The following UBAP1 variants were observed in gnomAD, a reference collection of about 807,000 sequenced individuals.
The protein encoded by UBAP1 is ubiquitin-associated protein 1.
Under a neutral mutation model 39.0 loss-of-function variants are expected in UBAP1, and 5 were observed. The observed-to-expected ratio is 0.13, with a 90% CI of 0.07 to 0.27. The LOEUF is 0.27. Ranked by LOEUF, UBAP1 falls within the 10% of genes least tolerant of loss-of-function variation. The probability of loss-of-function intolerance (pLI) is 1.00; values close to 1 mark genes in which losing one functional copy is unlikely to be tolerated. For synonymous variants in UBAP1, 211 were observed against 225.1 expected, an observed-to-expected ratio of 0.94 and a Z score of 0.56; for missense variants, 490 against 608.1, an observed-to-expected ratio of 0.81 and a Z score of 2.04.
At position 34,252,361 on chromosome 9, in the gene UBAP1, TAACA is replaced by T. The variant is rs1335039601; in HGVS notation, c.*830_*833del. ...CACTGCTTTAGGATGACACAATGAA[TAACA>T]CCTAGTCATAGAAATCAGTCTCTCT... On this transcript the variant is annotated 3_prime_UTR_variant, in exon 7 of 7. Transcript: ENST00000297661. 1 of 152,676 alleles carries T rather than the reference TAACA, an allele frequency of 6.5e-6. No individual in the cohort carries two copies. Among genetic ancestry groups the T allele is most frequent in the Non-Finnish European group, 1.5e-5 (1 of 68,054 alleles). 9.5% of individuals were successfully genotyped at this position (152,676 alleles called of 1,614,324 possible).
At chr9:34,188,313 A>G (rs1329377280) in intron 1 of UBAP1, among the ~76,000 whole-genome samples, 1 of 152,040 alleles carries the variant, frequency 6.6e-6, no homozygotes, top group Non-Finnish European at 1.5e-5. Flanking sequence ...AGTGTCCTTC[A>G]TGAAATACAG....
At chr9:34,229,978 A>G (rs1833323378) in intron 2 of UBAP1, among the ~76,000 whole-genome samples, 1 of 151,524 alleles carries the variant, frequency 6.6e-6, no homozygotes, top group Non-Finnish European at 1.5e-5. Flanking sequence ...CTGGCCTCAT[A>G]TCTTTAGCAC....
At chr9:34,242,803 G>A (rs1834026755) in intron 4 of UBAP1, among the ~76,000 whole-genome samples, 1 of 152,176 alleles carries the variant, frequency 6.6e-6, no homozygotes, top group Non-Finnish European at 1.5e-5. Flanking sequence ...GGGATTACAG[G>A]GGTGAGCCGC....
At chr9:34,219,171 C>A (rs539057173) in intron 1 of UBAP1, among the ~76,000 whole-genome samples, 1 of 152,028 alleles carries the variant, frequency 6.6e-6, no homozygotes, top group Admixed American at 6.6e-5. Flanking sequence ...TCACTGCAGC[C>A]TTGACTTCCT....
intron 1 of UBAP1, among the ~76,000 whole-genome samples, chr9:34,203,566 C>T (rs975307280): frequency 6.6e-6 from 1 of 151,978 alleles, no homozygotes; most frequent in Admixed American, 6.6e-5. Flanking sequence ...ATAAACAAAT[C>T]CTGAATAAAT....
At chr9:34,236,730 C>T (rs1361433200) in intron 3 of UBAP1, among the ~76,000 whole-genome samples, 1 of 151,776 alleles carries the variant, frequency 6.6e-6, no homozygotes, top group Admixed American at 6.6e-5. Flanking sequence ...CTTTAATTGG[C>T]CCTTCTGCTT....
intron 1 of UBAP1, among the ~76,000 whole-genome samples, chr9:34,202,624 CGTGTGTGTGTGTGTGTGTGTGT>C (rs56012034): frequency 8.4e-5 from 9 of 107,362 alleles, no homozygotes; most frequent in Admixed American, 2.9e-4. Context: ...TAGACAGAAA[CGTGTGTGTGTGTGTGTGTGTGT>C]GTGTGTGTGT....
In UBAP1 at chr9:34,220,821, T is replaced by A. The variant is rs1225670507; in HGVS notation, c.-7-87T>A. 5 of 1,146,882 alleles carry A rather than the reference T, an allele frequency of 4.4e-6. No homozygotes were observed. In the Admixed American group the frequency reaches 9.8e-5, roughly 22 times the overall value. 71.0% of individuals were successfully genotyped at this position (1,146,882 alleles called of 1,614,324 possible). ...ATTCTGTCAGCCCTAAAACCTTAGGTCTTCTGGTTTCTTTTTTGTACTCTC... is the reference window on the plus strand; with the variant it reads ...ATTCTGTCAGCCCTAAAACCTTAGGACTTCTGGTTTCTTTTTTGTACTCTC... On this transcript the variant is annotated intron_variant, in intron 1 of 6. Transcript: ENST00000297661.
chr9:34,229,260 C>CT lies in UBAP1; in HGVS notation c.35-4941dup, dbSNP rs1263815683. Among the ~76,000 whole-genome samples the CT allele has an allele frequency of 8.1e-3, 1,147 of 141,392 alleles. 14 individuals carry two copies. Among genetic ancestry groups the CT allele is most frequent in the African/African-American group, 0.022 (845 of 38,842 alleles). The allele number at this position is 141,392 out of a possible 152,430, so 92.8% of individuals were successfully genotyped here. A position where few individuals can be genotyped will look rare whatever the true frequency, so the allele number is the denominator to read the frequency against. Reference sequence around the variant, plus strand: ...ATCACTTCTCTTATAGGATTTTTATCTTTTTTTTTTTTTTTGAGATGGAGT... The same window carrying CT: ...ATCACTTCTCTTATAGGATTTTTATCTTTTTTTTTTTTTTTTGAGATGGAGT... On this transcript the variant is annotated intron_variant, in intron 2 of 6. Coordinates refer to ENST00000297661, the MANE Select transcript of UBAP1 (RefSeq NM_016525.5).
chr9:34,241,757 A>G lies in UBAP1; in HGVS notation c.732A>G (p.Glu244=), dbSNP rs1372845432. 8.1e-6 allele frequency: 13 copies of G among 1,614,064 alleles called. No individual in the cohort carries two copies. The East Asian group carries it at 2.9e-4, about 36-fold the overall frequency. ...FITLPQLGNC[E]KMSLSSKVSL... is the part of the protein sequence containing the mutation. ...CCTTACCACAGTTGGGCAACTGTGA[A>G]AAGATGTCACTGTCTTCCAAAGTGT... The change falls in exon 4 of 7, where the codon GAA becomes GAG. Residue 244 remains glutamate, a synonymous_variant. Coordinates refer to ENST00000297661, the MANE Select transcript of UBAP1 (RefSeq NM_016525.5).
At chr9:34,199,159 T>C (rs1193551054) in intron 1 of UBAP1, among the ~76,000 whole-genome samples, 1 of 152,146 alleles carries the variant, frequency 6.6e-6, no homozygotes, top group Non-Finnish European at 1.5e-5. Context: ...CTGCAACCTC[T>C]GCCTCCCGGG....
At chr9:34,186,227 T>C (rs1830398559) in intron 1 of UBAP1, among the ~76,000 whole-genome samples, 1 of 152,212 alleles carries the variant, frequency 6.6e-6, no homozygotes. Context: ...AGGAAATGAA[T>C]ACCTGATTAT....
At chr9:34,179,296 G>T in intron 1 of UBAP1, 56 bp downstream of exon 1, 1 of 735,372 alleles carries the variant, frequency 1.4e-6, no homozygotes, top group Non-Finnish European at 1.8e-6. Flanking sequence ...GGGGGAGGGG[G>T]GCTGGTACTG....
intron 1 of UBAP1, among the ~76,000 whole-genome samples, chr9:34,190,446 T>C (rs1830649957): frequency 6.6e-6 from 1 of 151,920 alleles, no homozygotes; most frequent in African/African-American, 2.4e-5. Flanking sequence ...CTTGCCACCA[T>C]GCCTGGCTAA....
chr9:34,219,125 G>T (rs566843558), intron 1 of UBAP1, among the ~76,000 whole-genome samples: 133 of 151,516 alleles, frequency 8.8e-4, no homozygotes, highest in African/African-American at 3.0e-3. Context: ...ATCTTGCTGT[G>T]TCGCCTAGGC....
chr9:34,241,264 A>T lies in UBAP1; in HGVS notation c.239A>T (p.Glu80Val), dbSNP rs779129736. Residue 80 changes from glutamate (E) to valine (V), a missense_variant, in exon 4 of 7, where the codon GAG becomes GTG. This residue lies in a region of UBAP1 where 144 missense variants were observed against 184.4 expected (regional missense o/e 0.78). Transcript: ENST00000297661. ...KKIEEAEREA[E>V]CKIAEAEAKV... ...ATCGAAGAAGCCGAGCGGGAAGCAG[A>T]GTGCAAAATTGCGGAAGCAGAAGCT... The T allele has an allele frequency of 6.6e-7, 1 of 1,505,926 alleles. No individual in the cohort carries two copies. The highest frequency in any genetic ancestry group is 8.9e-7 in the Non-Finnish European group (1 of 1,128,724). 93.3% of individuals were successfully genotyped at this position (1,505,926 alleles called of 1,614,324 possible).
intron 1 of UBAP1, among the ~76,000 whole-genome samples, chr9:34,210,855 G>A (rs1038254325): frequency 1.5e-4 from 23 of 149,096 alleles, no homozygotes; most frequent in African/African-American, 5.2e-4. Context: ...TAAACACATC[G>A]TTGCTGGTTT....
chr9:34,239,816 A>G (rs1833872582), intron 3 of UBAP1, among the ~76,000 whole-genome samples: 1 of 152,170 alleles, frequency 6.6e-6, no homozygotes, highest in African/African-American at 2.4e-5. Context: ...CTCCATAAAT[A>G]CAAGATGACA....
At chr9:34,249,357 G>A (rs1204515339) in intron 4 of UBAP1, among the ~76,000 whole-genome samples, 1 of 152,232 alleles carries the variant, frequency 6.6e-6, no homozygotes, top group East Asian at 1.9e-4. Flanking sequence ...GAAAAATGAT[G>A]CCTCAGAACT....
Sources: allele counts gnomAD v4.1 joint callset (sites outside exome capture counted in the v4.1 genomes callset), GRCh38; gene constraint gnomAD v4.1.1; regional missense constraint gnomAD v4.1.1; transcripts MANE v1.5; gene names NCBI Gene and HGNC (gene_info 2026-07-23, HGNC 2026-07-21).